Variants in KLHL32 observed in about 807,000 individuals in gnomAD.
KLHL32 encodes the protein kelch-like protein 32.
Under a neutral mutation model 64.8 loss-of-function variants are expected in KLHL32, and 35 were observed. The observed-to-expected ratio is 0.54, with a 90% CI of 0.41 to 0.72. The LOEUF is 0.72. Ranked by LOEUF, KLHL32 falls within the 30% of genes least tolerant of loss-of-function variation. The probability of loss-of-function intolerance (pLI) is 0.00; values close to 1 mark genes in which losing one functional copy is unlikely to be tolerated. For synonymous variants in KLHL32, 259 were observed against 281.0 expected (o/e 0.92, Z 0.78); for missense variants, 589 against 768.5 (o/e 0.77, Z 2.76).
At chr6:97,079,634 C>A (rs1391924601) in intron 5 of KLHL32, among the ~76,000 whole-genome samples, 4 of 152,056 alleles carry the variant, frequency 2.6e-5, no homozygotes, top group African/African-American at 9.7e-5. Context: ...TATTCCATAG[C>A]TAGTGTGGTA....
the KLHL32 span, among the ~76,000 whole-genome samples, chr6:96,912,032 G>C: frequency 4.3e-4 from 65 of 151,796 alleles, no homozygotes; most frequent in African/African-American, 1.5e-3. Flanking sequence ...GCTTTATAGA[G>C]ATGTCTTCCC....
At position 97,036,255 on chromosome 6, in the gene KLHL32, T is replaced by C. The variant is rs527860005; in HGVS notation, c.205-5237T>C. Among the ~76,000 whole-genome samples, 105 of 152,340 alleles carry C rather than the reference T, an allele frequency of 6.9e-4. No homozygotes were observed. The Middle Eastern group carries it at 0.01, about 15-fold the overall frequency. On this transcript the variant is annotated intron_variant, in intron 3 of 10. Transcript: ENST00000369261. ...TACATAAAATTTACATTTCTCTAAC[T>C]TTCCCTTTTGTTTATGTATTACTTT...
chr6:97,030,014 A>G (rs1443752112), intron 3 of KLHL32, among the ~76,000 whole-genome samples: 2 of 152,120 alleles, frequency 1.3e-5, no homozygotes, highest in African/African-American at 4.8e-5. Flanking sequence ...TTTTACTTTC[A>G]TTTAACTCTG....
chr6:97,125,363 G>T (rs1418559630), intron 7 of KLHL32, among the ~76,000 whole-genome samples: 1 of 152,180 alleles, frequency 6.6e-6, no homozygotes, highest in East Asian at 1.9e-4. Flanking sequence ...TAGCCATGTA[G>T]TTGATGGTGG....
intron 3 of KLHL32, among the ~76,000 whole-genome samples, chr6:97,013,445 T>C (rs929730102): frequency 4.6e-5 from 7 of 152,326 alleles, no homozygotes; most frequent in Admixed American, 3.9e-4. Flanking sequence ...TAAGTGGCAG[T>C]GCTTAGAAAG....
At chr6:96,928,495 G>A (rs1283033681) in intron 1 of KLHL32, among the ~76,000 whole-genome samples, 2 of 152,094 alleles carry the variant, frequency 1.3e-5, no homozygotes, top group Non-Finnish European at 2.9e-5. Context: ...ACTAGGAGAG[G>A]AGTTGTAGCC....
intron 3 of KLHL32, among the ~76,000 whole-genome samples, chr6:96,991,912 C>T (rs1445579419): frequency 6.6e-6 from 1 of 152,168 alleles, no homozygotes; most frequent in East Asian, 1.9e-4. Flanking sequence ...GGTGGCTGCG[C>T]TGTGCTGGGG....
At chr6:97,010,609 C>A (rs2128091598) in intron 3 of KLHL32, among the ~76,000 whole-genome samples, 1 of 152,226 alleles carries the variant, frequency 6.6e-6, no homozygotes, top group Admixed American at 6.5e-5. Context: ...GAGTGAGGAA[C>A]CACAAAAGTG....
intron 5 of KLHL32, among the ~76,000 whole-genome samples, chr6:97,067,885 G>T (rs1385862242): frequency 6.6e-6 from 1 of 152,154 alleles, no homozygotes; most frequent in Non-Finnish European, 1.5e-5. Context: ...CTAAGGCAGA[G>T]TTTTCATATT....
chr6:97,056,485 G>A (rs1766482), intron 4 of KLHL32, among the ~76,000 whole-genome samples: 23,922 of 151,900 alleles, frequency 0.16, 2,107 homozygotes, highest in African/African-American at 0.24. Context: ...CAGCCTTCCC[G>A]TCACTCCTTT....
Position 96,981,888 on chromosome 6 carries a change from A to G in KLHL32, c.204+5711A>G, listed in dbSNP as rs565243845. Reference sequence around the variant, plus strand: ...AGTGATTTTCCTAGTATTGATTTCTATTTTTATTACACTTTGGTCTGAGAG... The same window carrying G: ...AGTGATTTTCCTAGTATTGATTTCTGTTTTTATTACACTTTGGTCTGAGAG... On this transcript the variant is annotated intron_variant, in intron 3 of 10. Transcript: ENST00000369261. 5.3e-5 allele frequency among the ~76,000 whole-genome samples: 8 copies of G among 151,840 alleles called. No individual in the cohort carries two copies. In the South Asian group the frequency reaches 6.2e-4, roughly 12 times the overall value.
chr6:97,035,751 T>G (rs1784199616), intron 3 of KLHL32, among the ~76,000 whole-genome samples: 1 of 152,186 alleles, frequency 6.6e-6, no homozygotes, highest in African/African-American at 2.4e-5. Flanking sequence ...TTCTTTTGCT[T>G]CTTTCAAAAT....
chr6:97,000,781 C>G (rs570639515), intron 3 of KLHL32, among the ~76,000 whole-genome samples: 1 of 152,062 alleles, frequency 6.6e-6, no homozygotes, highest in South Asian at 2.1e-4. Context: ...TGTGAAGCAA[C>G]GAAGATGTTA....
intron 9 of KLHL32, among the ~76,000 whole-genome samples, chr6:97,131,459 G>A (rs1799433836): frequency 6.6e-6 from 1 of 152,012 alleles, no homozygotes; most frequent in South Asian, 2.1e-4. Context: ...CTGCATTTTT[G>A]GCCACAAATA....
rs1800439666 is a variant in KLHL32 at position 97,139,379 on chromosome 6, T to A, written c.*97T>A. ...TGCTCCATGCTTCCTTGTCTTGCTT[T>A]ATAGGTCTTATATTCGGATAAATTT... On this transcript the variant is annotated 3_prime_UTR_variant, in exon 11 of 11. Coordinates refer to ENST00000369261, the MANE Select transcript of KLHL32 (RefSeq NM_052904.4). 1 of 1,064,312 alleles carries A rather than the reference T, an allele frequency of 9.4e-7. No homozygotes were observed. The highest frequency in any genetic ancestry group is 1.4e-6 in the Non-Finnish European group (1 of 735,766). 65.9% of individuals were successfully genotyped at this position (1,064,312 alleles called of 1,614,324 possible).
At chr6:96,997,656 C>T (rs933184690) in intron 3 of KLHL32, among the ~76,000 whole-genome samples, 2 of 151,956 alleles carry the variant, frequency 1.3e-5, no homozygotes, top group Admixed American at 1.3e-4. Context: ...GCAGGAGGAT[C>T]GCTTGAGCCC....
intron 4 of KLHL32, among the ~76,000 whole-genome samples, chr6:97,056,854 C>T (rs749189977): frequency 2.0e-5 from 3 of 152,174 alleles, no homozygotes; most frequent in Non-Finnish European, 4.4e-5. Context: ...GGCTGGGCAA[C>T]ATAGCAAGAC....
In KLHL32 at chr6:97,088,236, A is replaced by T. The variant is rs150492545; in HGVS notation, c.627+2895A>T. On this transcript the variant is annotated intron_variant, in intron 6 of 10. Transcript: ENST00000369261. Reference sequence around the variant, plus strand: ...TTAAAATTTAGTTCAATTCAGCTCAACAATTTGGTTTTATGTTTCAAGGCC... The same window carrying T: ...TTAAAATTTAGTTCAATTCAGCTCATCAATTTGGTTTTATGTTTCAAGGCC... Among the ~76,000 whole-genome samples the T allele has an allele frequency of 9.9e-3, 1,509 of 152,316 alleles. 32 individuals carry two copies. The highest frequency in any genetic ancestry group is 0.035 in the African/African-American group (1,450 of 41,562).
At chr6:96,942,152 T>C (rs1771370098) in intron 1 of KLHL32, among the ~76,000 whole-genome samples, 2 of 152,338 alleles carry the variant, frequency 1.3e-5, no homozygotes, top group South Asian at 4.1e-4. Context: ...AGCCAGCGGT[T>C]ACCCCACAGT....
Sources: allele counts gnomAD v4.1 joint callset (sites outside exome capture counted in the v4.1 genomes callset), GRCh38; gene constraint gnomAD v4.1.1; transcripts MANE v1.5; gene names NCBI Gene and HGNC (gene_info 2026-07-23, HGNC 2026-07-21).